The following TPO variants were observed in gnomAD, a reference collection of about 807,000 sequenced individuals.
TPO encodes the protein thyroid peroxidase, also known as thyroid microsomal antigen.
A neutral mutation model predicts 96.9 loss-of-function variants in TPO; 78 were observed. That is an observed-to-expected ratio of 0.81 (90% CI 0.67 to 0.97). The LOEUF (loss-of-function observed/expected upper bound fraction) is 0.97. Ranked by LOEUF, TPO falls within the 50% of genes least tolerant of loss-of-function variation. TPO has a pLI of 0.00. For synonymous variants in TPO, 547 were observed against 538.0 expected, an observed-to-expected ratio of 1.02 and a Z score of -0.23; for missense variants, 1,252 against 1,274.8, an observed-to-expected ratio of 0.98 and a Z score of 0.27.
chr2:1,387,682 T>C (rs1661923973), intron 1 of TPO, among the ~76,000 whole-genome samples: 2 of 152,206 alleles, frequency 1.3e-5, no homozygotes, highest in South Asian at 4.1e-4. Context: ...TGGAGAAGTT[T>C]GATTATCTGA....
intron 2 of TPO, among the ~76,000 whole-genome samples, chr2:1,420,130 A>C (rs1042232430): frequency 7.9e-5 from 12 of 152,240 alleles, no homozygotes; most frequent in Non-Finnish European, 1.5e-4. Context: ...CAAGCCTATA[A>C]GAATGTTTTA....
intron 1 of TPO, among the ~76,000 whole-genome samples, chr2:1,408,449 C>G (rs543712692): frequency 6.6e-6 from 1 of 152,238 alleles, no homozygotes; most frequent in African/African-American, 2.4e-5. Context: ...TCGAGTTGTG[C>G]GTGGGCTGCT....
At chr2:1,392,028 C>T (rs1662009079) in intron 1 of TPO, among the ~76,000 whole-genome samples, 1 of 152,056 alleles carries the variant, frequency 6.6e-6, no homozygotes, top group African/African-American at 2.4e-5. Flanking sequence ...GCCTGATTGC[C>T]CTGGCCAGAA....
intron 7 of TPO, among the ~76,000 whole-genome samples, chr2:1,460,284 C>T (rs2148613661): frequency 6.6e-6 from 1 of 152,244 alleles, no homozygotes; most frequent in South Asian, 2.1e-4. Context: ...CATCTGTTAA[C>T]ATTAGAGCTG....
chr2:1,422,335 C>CGTGCAGCCGCCTG (rs1663708815), intron 2 of TPO, among the ~76,000 whole-genome samples: 1 of 64,678 alleles, frequency 1.5e-5, no homozygotes, highest in Non-Finnish European at 3.5e-5. Context: ...GCAGGCGCCT[C>CGTGCAGCCGCCTG]TCCTGGACCG....
intron 13 of TPO, among the ~76,000 whole-genome samples, chr2:1,502,808 T>C (rs549267397): frequency 2.6e-5 from 4 of 152,366 alleles, no homozygotes; most frequent in African/African-American, 9.6e-5. Context: ...TCGTCTTTGA[T>C]TCCACGCCCA....
chr2:1,437,942 A>G (rs1665753997), intron 5 of TPO, among the ~76,000 whole-genome samples: 1 of 152,100 alleles, frequency 6.6e-6, no homozygotes, highest in Admixed American at 6.5e-5. Context: ...AAGGATGCAC[A>G]GGAGATGATG....
At chr2:1,410,350 A>G (rs921730279), upstream of TPO, among the ~76,000 whole-genome samples, 1 of 152,244 alleles carries the variant, frequency 6.6e-6, no homozygotes, top group Non-Finnish European at 1.5e-5. Flanking sequence ...TAGTTTGAAG[A>G]ACACAAGGCA....
intron 7 of TPO, among the ~76,000 whole-genome samples, chr2:1,461,650 G>A (rs1477412800): frequency 6.6e-6 from 1 of 152,026 alleles, no homozygotes; most frequent in Non-Finnish European, 1.5e-5. Flanking sequence ...GTGACCGCCC[G>A]TACACCTGTG....
At chr2:1,503,754 C>T (rs1673110385) in intron 13 of TPO, 194 bp from the exon 14 acceptor site, 1 of 1,003,336 alleles carries the variant, frequency 1.0e-6, no homozygotes, top group African/African-American at 1.6e-5. Context: ...GTGGCCAGCG[C>T]ACATCTGTCT....
At chr2:1,445,859 A>G (rs11687965) in intron 5 of TPO, among the ~76,000 whole-genome samples, 1 of 146,018 alleles carries the variant, frequency 6.8e-6, no homozygotes, top group Non-Finnish European at 1.5e-5. Flanking sequence ...TGTATGATCC[A>G]GTCACTGCTG....
intron 3 of TPO, among the ~76,000 whole-genome samples, chr2:1,427,759 C>G (rs1171737738): frequency 2.0e-5 from 3 of 152,192 alleles, no homozygotes; most frequent in Non-Finnish European, 2.9e-5. Flanking sequence ...TGTCTGGGCT[C>G]ACACTCCTTG....
chr2:1,539,899 CAG>C (rs1680524487), intron 15 of TPO, among the ~76,000 whole-genome samples: 1 of 152,004 alleles, frequency 6.6e-6, no homozygotes, highest in African/African-American at 2.4e-5. Flanking sequence ...GGTAAAAACG[CAG>C]AATCAAGGGA....
At chr2:1,415,617 C>A (rs1662871306) in intron 2 of TPO, among the ~76,000 whole-genome samples, 1 of 150,194 alleles carries the variant, frequency 6.7e-6, no homozygotes, top group African/African-American at 2.5e-5. Flanking sequence ...GGGCAGGTCC[C>A]TGGGCCTCTG....
chr2:1,494,010 G>C lies in TPO; in HGVS notation c.1977G>C (p.Lys659Asn). ...CCCTGTTTGCCTGTCTCATTGGGAAGCAGATGAAGGCTCTGCGGGACGGTG... is the reference window on the plus strand; with the variant it reads ...CCCTGTTTGCCTGTCTCATTGGGAACCAGATGAAGGCTCTGCGGGACGGTG... ...TGPLFACLIG[K>N]QMKALRDGDW... Residue 659 changes from lysine (K) to asparagine (N), a missense_variant, in exon 11 of 17, where the codon AAG (lysine) becomes AAC (asparagine). Coordinates refer to ENST00000329066, the MANE Select transcript of TPO (RefSeq NM_001206744.2). 1 of 1,614,176 alleles carries C rather than the reference G, an allele frequency of 6.2e-7. No homozygotes were observed. The highest frequency in any genetic ancestry group is 2.2e-5 in the East Asian group (1 of 44,868).
chr2:1,478,707 C>T (rs1327426738), intron 8 of TPO, among the ~76,000 whole-genome samples: 6 of 152,258 alleles, frequency 3.9e-5, no homozygotes, highest in Admixed American at 6.5e-5. Context: ...TGTCCTAACA[C>T]GCATCCACAC....
chr2:1,535,835 A>C (rs1177204760), intron 15 of TPO, among the ~76,000 whole-genome samples: 24 of 52,966 alleles, frequency 4.5e-4, no homozygotes, highest in South Asian at 2.0e-3. Context: ...TCAAATCCCC[A>C]AACTGTGTGC....
intron 5 of TPO, among the ~76,000 whole-genome samples, chr2:1,443,483 A>G (rs558951381): frequency 1.1e-4 from 16 of 141,026 alleles, no homozygotes; most frequent in African/African-American, 3.2e-4. Flanking sequence ...AGGAGGCAAC[A>G]TGTTGGAAGG....
intron 10 of TPO, among the ~76,000 whole-genome samples, chr2:1,489,272 A>G (rs1401372875): frequency 6.7e-6 from 1 of 149,720 alleles, no homozygotes; most frequent in Non-Finnish European, 1.5e-5. Context: ...ACACCCACAC[A>G]TGCCCAGCAC....
Sources: gnomAD v4.1 joint callset for allele counts (sites outside exome capture counted in the v4.1 genomes callset) on GRCh38, gnomAD v4.1.1 for gene constraint, MANE v1.5 for transcripts, NCBI Gene and HGNC (gene_info 2026-07-23, HGNC 2026-07-21) for gene names.